The following OXCT1 variants were observed in gnomAD, a reference collection of about 807,000 sequenced individuals.
OXCT1 encodes the protein succinyl-CoA:3-ketoacid coenzyme A transferase 1, mitochondrial.
In OXCT1, 27 loss-of-function variants were observed where a neutral mutation model predicts 69.6. That is an observed-to-expected ratio of 0.39 (90% confidence interval 0.29 to 0.54). The LOEUF (loss-of-function observed/expected upper bound fraction) is 0.54, where lower values mean the gene tolerates loss of function less well. OXCT1 is among the 20% of genes least tolerant of loss of function. The pLI, the probability that OXCT1 is intolerant of heterozygous loss-of-function variation, is 0.72. For missense variants in OXCT1, 437 were observed against 650.2 expected (o/e 0.67, Z 3.57); for synonymous variants, 202 against 217.8 (o/e 0.93, Z 0.64).
chr5:41,840,793 A>G (rs925502745), intron 6 of OXCT1, among the ~76,000 whole-genome samples: 5 of 152,244 alleles, frequency 3.3e-5, no homozygotes, highest in Admixed American at 2.6e-4. Context: ...CAAAAAAAGG[A>G]ATATTAATAA....
intron 13 of OXCT1, among the ~76,000 whole-genome samples, chr5:41,768,804 C>A (rs546348496): frequency 6.6e-6 from 1 of 152,166 alleles, no homozygotes; most frequent in African/African-American, 2.4e-5. Context: ...CTCTAAAATG[C>A]GCATCTGAAT....
At position 41,739,779 on chromosome 5, in the gene OXCT1, G is replaced by A. The variant is rs545928306; in HGVS notation, c.1420-288C>T. The A allele has an allele frequency of 2.5e-5, 9 of 355,264 alleles. No homozygotes were observed. In the East Asian group the frequency reaches 5.0e-4, roughly 20 times the overall value. The allele number at this position is 355,264 out of a possible 1,614,324, so 22.0% of individuals were successfully genotyped here. A position where few individuals can be genotyped will look rare whatever the true frequency, so the allele number is the denominator to read the frequency against. On this transcript the variant is annotated intron_variant, in intron 15 of 16. Transcript: ENST00000196371. ...CCAGCTACTTGGGAGGCTGAGGCAGGAGAATGGCGTGAACCCGAGAGGCGG... is the reference window on the plus strand; with the variant it reads ...CCAGCTACTTGGGAGGCTGAGGCAGAAGAATGGCGTGAACCCGAGAGGCGG...
intron 13 of OXCT1, among the ~76,000 whole-genome samples, chr5:41,784,890 T>G (rs1745574276): frequency 6.6e-6 from 1 of 152,214 alleles, no homozygotes; most frequent in South Asian, 2.1e-4. Flanking sequence ...AGAGAAATTT[T>G]CCTGACAAAA....
At chr5:41,764,823 T>C (rs1744518586) in intron 13 of OXCT1, among the ~76,000 whole-genome samples, 1 of 152,114 alleles carries the variant, frequency 6.6e-6, no homozygotes, top group Admixed American at 6.6e-5. Context: ...CTCAGGGAGA[T>C]TCCCAAATGA....
rs1332834837 is a variant in OXCT1 at position 41,833,994 on chromosome 5, G to A, written c.732+6457C>T. ...CTGTACTCCAGCCTGGGCAACAAGAGCAAAATTCCGTCTCAAAAAAAAAAA... is the reference window on the plus strand; with the variant it reads ...CTGTACTCCAGCCTGGGCAACAAGAACAAAATTCCGTCTCAAAAAAAAAAA... On this transcript the variant is annotated intron_variant, in intron 7 of 16. Transcript: ENST00000196371. 2.0e-5 allele frequency among the ~76,000 whole-genome samples: 3 copies of A among 150,388 alleles called. No individual in the cohort carries two copies. In the South Asian group the frequency reaches 6.3e-4, roughly 31 times the overall value.
chr5:41,768,069 C>T (rs1744703644), intron 13 of OXCT1, among the ~76,000 whole-genome samples: 1 of 152,104 alleles, frequency 6.6e-6, no homozygotes, highest in African/African-American at 2.4e-5. Flanking sequence ...CTGCAAGTTT[C>T]AGACTTCGAT....
intron 15 of OXCT1, among the ~76,000 whole-genome samples, chr5:41,744,254 A>G (rs1579641804): frequency 6.6e-6 from 1 of 152,220 alleles, no homozygotes; most frequent in East Asian, 1.9e-4. Context: ...TTCACTCATG[A>G]TTTGGCTCTC....
chr5:41,841,379 C>T (rs1306820498), intron 6 of OXCT1, among the ~76,000 whole-genome samples: 1 of 152,084 alleles, frequency 6.6e-6, no homozygotes, highest in Non-Finnish European at 1.5e-5. Flanking sequence ...GGGTTAGATC[C>T]CACCAGACAT....
At chr5:41,766,970 C>T (rs1579691421) in intron 13 of OXCT1, among the ~76,000 whole-genome samples, 4 of 152,104 alleles carry the variant, frequency 2.6e-5, no homozygotes, top group South Asian at 4.1e-4. Context: ...AATACCAGAA[C>T]ATTAAGTACC....
At position 41,794,069 on chromosome 5, in the gene OXCT1, G is replaced by A. The variant is rs142593804; in HGVS notation, c.1182C>T (p.Val394=). 6.8e-6 allele frequency: 11 copies of A among 1,611,958 alleles called. No homozygotes were observed. The highest frequency in any genetic ancestry group is 2.7e-5 in the African/African-American group (2 of 74,774). Residue 394 remains valine, a synonymous_variant, in exon 13 of 17, where the codon GTC becomes GTT. Transcript: ENST00000196371. ...GCATCGCTCCTAGCATTGTCAGATC[G>A]ACGTGTCCACTGAGAAAGAAAGAGG... ...ESFAMIRGGH[V]DLTMLGAMQV...
intron 15 of OXCT1, among the ~76,000 whole-genome samples, chr5:41,746,785 G>C (rs1306218955): frequency 6.6e-6 from 1 of 152,022 alleles, no homozygotes; most frequent in Non-Finnish European, 1.5e-5. Context: ...TTCATGTCTT[G>C]TATTATCCTT....
intron 13 of OXCT1, among the ~76,000 whole-genome samples, chr5:41,770,287 A>G: frequency 6.6e-6 from 1 of 152,336 alleles, no homozygotes; most frequent in Non-Finnish European, 1.5e-5. Flanking sequence ...AGAAAAAAAG[A>G]GGTGGCTAAA....
chr5:41,856,274 C>T (rs1401056153), intron 3 of OXCT1, among the ~76,000 whole-genome samples: 1 of 152,152 alleles, frequency 6.6e-6, no homozygotes, highest in East Asian at 1.9e-4. Context: ...GGAAATAATT[C>T]ATAAGACTTG....
intron 7 of OXCT1, among the ~76,000 whole-genome samples, chr5:41,810,716 T>G (rs1248626858): frequency 6.6e-6 from 1 of 152,080 alleles, no homozygotes; most frequent in Non-Finnish European, 1.5e-5. Context: ...TGACAATGTG[T>G]TTGTGATTGC....
intron 12 of OXCT1, 116 bp from the exon 13 acceptor site, chr5:41,794,194 A>T: frequency 1.3e-6 from 1 of 768,742 alleles, no homozygotes; most frequent in Non-Finnish European, 2.4e-6. Context: ...TTCCCCCACC[A>T]CACAACTGAT....
intron 9 of OXCT1, among the ~76,000 whole-genome samples, chr5:41,805,111 A>G (rs1444669891): frequency 1.3e-5 from 2 of 152,104 alleles, no homozygotes; most frequent in Non-Finnish European, 2.9e-5. Context: ...ATTAGATATA[A>G]CAGGGTAATC....
intron 15 of OXCT1, among the ~76,000 whole-genome samples, chr5:41,745,814 T>C (rs899052828): frequency 1.3e-5 from 2 of 152,126 alleles, no homozygotes; most frequent in African/African-American, 2.4e-5. Flanking sequence ...AATGGATAAA[T>C]TCCTCGACAC....
intron 13 of OXCT1, among the ~76,000 whole-genome samples, chr5:41,779,944 G>C (rs191144392): frequency 6.6e-6 from 1 of 152,136 alleles, no homozygotes; most frequent in African/African-American, 2.4e-5. Context: ...AAAACACAGA[G>C]CCTTAAATGA....
chr5:41,740,324 A>T (rs1743102087), intron 15 of OXCT1, among the ~76,000 whole-genome samples: 1 of 152,244 alleles, frequency 6.6e-6, no homozygotes, highest in Non-Finnish European at 1.5e-5. Context: ...CCTGAAAGAC[A>T]TGCAAGTAAC....
Sources: allele counts gnomAD v4.1 joint callset (sites outside exome capture counted in the v4.1 genomes callset), GRCh38; gene constraint gnomAD v4.1.1; transcripts MANE v1.5; gene names NCBI Gene and HGNC (gene_info 2026-07-23, HGNC 2026-07-21).